RBFOX2: variants seen among roughly 807,000 people sequenced by gnomAD.
RBFOX2 encodes the protein RNA binding protein fox-1 homolog 2.
In RBFOX2, 10 loss-of-function variants were observed where a neutral mutation model predicts 49.1. That is an observed-to-expected ratio of 0.20 (90% CI 0.13 to 0.35). The LOEUF (loss-of-function observed/expected upper bound fraction) is 0.35. Among genes scored for constraint, RBFOX2 ranks in the 10% least tolerant of loss-of-function variants. The pLI, the probability that RBFOX2 is intolerant of heterozygous loss-of-function variation, is 1.00. For synonymous variants in RBFOX2, 183 were observed against 187.4 expected, an observed-to-expected ratio of 0.98 and a Z score of 0.19; for missense variants, 323 against 486.9, an observed-to-expected ratio of 0.66 and a Z score of 3.17.
intron 1 of RBFOX2, among the ~76,000 whole-genome samples, chr22:35,987,587 A>T (rs995657614): frequency 6.6e-6 from 1 of 152,220 alleles, no homozygotes; most frequent in Admixed American, 6.5e-5. Flanking sequence ...TACTGATAAT[A>T]AGCAAATTTT....
At position 35,918,713 on chromosome 22, in the gene RBFOX2, G is replaced by A. The variant is rs532289291; in HGVS notation, c.-34+20134C>T. On this transcript the variant is annotated intron_variant, in intron 1 of 13. Coordinates refer to the RBFOX2 transcript ENST00000359369. ...GGTATTGTAGGGGGCAATGGTGCTG[G>A]CCAACACACAAGATTTACACAATGA... Among the ~76,000 whole-genome samples the A allele has an allele frequency of 2.2e-4, 33 of 152,206 alleles. 1 individual carries two copies. In the South Asian group the frequency reaches 6.9e-3, roughly 32 times the overall value.
chr22:35,752,612 C>G (rs1264383775), intron 9 of RBFOX2: 1 of 982,430 alleles, frequency 1.0e-6, no homozygotes, highest in African/African-American at 1.8e-5. Flanking sequence ...GGCACTCCTA[C>G]CTGAGGTATT....
intron 2 of RBFOX2, among the ~76,000 whole-genome samples, chr22:35,802,800 T>C (rs1181405725): frequency 6.6e-6 from 1 of 151,894 alleles, no homozygotes; most frequent in African/African-American, 2.4e-5. Context: ...CCAGATATGG[T>C]CTCCTCACAT....
rs758596359 is a variant in RBFOX2, at chr22:35,798,687, CT to C, written c.252+11092del. 1.8e-3 allele frequency among the ~76,000 whole-genome samples: 276 copies of C among 152,100 alleles called. 5 individuals carry two copies. The highest frequency in any genetic ancestry group is 3.4e-4 in the Non-Finnish European group (23 of 67,974). ...TGTTACTATTAAGTAGTTATTGCCC[CT>C]ATATATGTATTTCAAAAAATTATTT... On this transcript the variant is annotated intron_variant, in intron 2 of 11. Coordinates refer to ENST00000405409, the Ensembl canonical transcript of RBFOX2.
At chr22:35,778,120 T>C in intron 3 of RBFOX2, 42 bp from the exon 5 acceptor site, 1 of 1,487,076 alleles carries the variant, frequency 6.7e-7, no homozygotes. Context: ...TGGTCAGGTT[T>C]TTATCCACAT....
At chr22:35,799,808 C>T (rs1481815040) in intron 2 of RBFOX2, among the ~76,000 whole-genome samples, 1 of 151,892 alleles carries the variant, frequency 6.6e-6, no homozygotes, top group Non-Finnish European at 1.5e-5. Flanking sequence ...AAAAAATTAG[C>T]CGGGTGTGGG....
intron 2 of RBFOX2, among the ~76,000 whole-genome samples, chr22:35,791,151 G>A (rs149865507): frequency 3.3e-4 from 50 of 152,174 alleles, no homozygotes; most frequent in African/African-American, 1.2e-3. Flanking sequence ...TTGGGAGGCC[G>A]AGGTGGGTGG....
chr22:35,878,426 CA>C (rs2045441087), intron 1 of RBFOX2, among the ~76,000 whole-genome samples: 1 of 152,082 alleles, frequency 6.6e-6, no homozygotes, highest in African/African-American at 2.4e-5. Flanking sequence ...AATAAAGATA[CA>C]GGGTCTCGCT....
At chr22:35,993,335 C>A (rs770862979) in intron 1 of RBFOX2, 1 of 152,172 alleles carries the variant, frequency 6.6e-6, no homozygotes, top group Non-Finnish European at 1.5e-5. Context: ...GGTATGTTAA[C>A]AGGGGAAAAT....
intron 1 of RBFOX2, among the ~76,000 whole-genome samples, chr22:35,938,326 G>T (rs2053327556): frequency 6.6e-6 from 1 of 152,050 alleles, no homozygotes; most frequent in South Asian, 2.1e-4. Flanking sequence ...CCCATAATAG[G>T]GCCTGGGCTT....
chr22:36,027,748 G>A (rs1307014039), intron 1 of RBFOX2, among the ~76,000 whole-genome samples: 1 of 152,038 alleles, frequency 6.6e-6, no homozygotes, highest in African/African-American at 2.4e-5. Context: ...ATCCCCTCGG[G>A]GCTCTCTCGA....
rs553709569 is a variant in RBFOX2, at chr22:35,953,245, G to T, written c.42+8318C>A. On this transcript the variant is annotated intron_variant, in intron 1 of 5. Transcript: ENST00000408983. ...AAAAAAAAAAAAAAAGCCAAAGGAT[G>T]GAAACCCAAACGTCCATTAAGGGAT... 5.4e-5 allele frequency among the ~76,000 whole-genome samples: 8 copies of T among 148,024 alleles called. No individual in the cohort carries two copies. In the South Asian group the frequency reaches 1.7e-3, roughly 31 times the overall value.
chr22:35,909,861 C>T (rs967073657), intron 1 of RBFOX2, among the ~76,000 whole-genome samples: 10 of 152,338 alleles, frequency 6.6e-5, no homozygotes, highest in African/African-American at 2.2e-4. Flanking sequence ...GATCCACCCA[C>T]CTCGGCCTCC....
intron 1 of RBFOX2, among the ~76,000 whole-genome samples, chr22:35,830,385 C>G (rs1270261357): frequency 4.6e-5 from 7 of 152,166 alleles, no homozygotes; most frequent in Non-Finnish European, 7.4e-5. Context: ...TAAGCTGAAC[C>G]TTTAAAGACA....
chr22:35,822,544 G>A (rs1029809245), intron 1 of RBFOX2, among the ~76,000 whole-genome samples: 3 of 152,124 alleles, frequency 2.0e-5, no homozygotes, highest in African/African-American at 7.2e-5. Flanking sequence ...GCTAGTATGA[G>A]TTTCCTCTGT....
intron 1 of RBFOX2, among the ~76,000 whole-genome samples, chr22:35,876,302 T>G (rs1170448906): frequency 1.3e-5 from 2 of 152,138 alleles, no homozygotes; most frequent in African/African-American, 4.8e-5. Flanking sequence ...CTCGGCTCTC[T>G]GCAACCTCCA....
chr22:35,783,325 G>A (rs1475352932), intron 2 of RBFOX2, among the ~76,000 whole-genome samples: 3 of 152,158 alleles, frequency 2.0e-5, no homozygotes, highest in Admixed American at 6.5e-5. Flanking sequence ...ACTCAATCAC[G>A]CTGCCTTTCC....
chr22:35,770,677 C>G (rs752279395), intron 4 of RBFOX2, among the ~76,000 whole-genome samples: 41 of 152,052 alleles, frequency 2.7e-4, no homozygotes, highest in Non-Finnish European at 4.7e-4. Flanking sequence ...CTTCCATAAC[C>G]TTCTTTTCTG....
At chr22:35,879,033 T>A (rs1056611391) in intron 1 of RBFOX2, among the ~76,000 whole-genome samples, 2 of 152,214 alleles carry the variant, frequency 1.3e-5, no homozygotes, top group African/African-American at 4.8e-5. Context: ...CCTGGCCGTA[T>A]GGCCTGTTTT....
Sources: gnomAD v4.1 joint callset for allele counts (sites outside exome capture counted in the v4.1 genomes callset) on GRCh38, gnomAD v4.1.1 for gene constraint, MANE v1.5 for transcripts, NCBI Gene and HGNC (gene_info 2026-07-23, HGNC 2026-07-21) for gene names.